The following GRID1 variants were observed in gnomAD, a reference collection of about 807,000 sequenced individuals.
GRID1 encodes glutamate ionotropic receptor delta type subunit 1, also known as glutamate receptor ionotropic, delta-1.
GRID1 carries 28 observed loss-of-function variants against 98.0 expected under a neutral mutation model. That is an observed-to-expected ratio of 0.29 (90% CI 0.21 to 0.39). The LOEUF (loss-of-function observed/expected upper bound fraction) is 0.39, where lower values mean the gene tolerates loss of function less well. GRID1 is among the 10% of genes least tolerant of loss of function. The probability of loss-of-function intolerance (pLI) is 1.00; values close to 1 mark genes in which losing one functional copy is unlikely to be tolerated. For synonymous variants in GRID1, 553 were observed against 538.5 expected, an observed-to-expected ratio of 1.03 and a Z score of -0.37; for missense variants, 1,111 against 1,340.5, an observed-to-expected ratio of 0.83 and a Z score of 2.67.
At chr10:85,965,869 T>C (rs1293165684) in intron 4 of GRID1, among the ~76,000 whole-genome samples, 5 of 152,134 alleles carry the variant, frequency 3.3e-5, no homozygotes, top group African/African-American at 1.2e-4. Flanking sequence ...AAATCCCAGC[T>C]AATCCTTGGT....
chr10:85,686,781 T>C lies in GRID1; in HGVS notation c.1997+36222A>G, dbSNP rs556539047. On this transcript the variant is annotated intron_variant, in intron 12 of 15. Transcript: ENST00000327946. ...TATATATTTTTGTTTGTTATATTAC[T>C]TTTAATTTTTTTCACATTAAAGTGT... Among the ~76,000 whole-genome samples, 10 of 152,200 alleles carry C rather than the reference T, an allele frequency of 6.6e-5. No individual in the cohort carries two copies. The South Asian group carries it at 2.1e-3, about 32-fold the overall frequency.
chr10:86,289,689 C>G (rs1375539181), intron 2 of GRID1, among the ~76,000 whole-genome samples: 1 of 152,184 alleles, frequency 6.6e-6, no homozygotes, highest in African/African-American at 2.4e-5. Context: ...GAGCCTCCTC[C>G]CTCTACTCCT....
intron 4 of GRID1, among the ~76,000 whole-genome samples, chr10:86,104,533 C>G (rs1465424863): frequency 6.6e-6 from 1 of 152,238 alleles, no homozygotes; most frequent in Non-Finnish European, 1.5e-5. Flanking sequence ...GCCCCCAGCC[C>G]TAGCTGGCAG....
At chr10:85,763,346 A>T (rs1200670973) in intron 8 of GRID1, among the ~76,000 whole-genome samples, 1 of 152,148 alleles carries the variant, frequency 6.6e-6, no homozygotes, top group Non-Finnish European at 1.5e-5. Context: ...AACTTTTGTG[A>T]GGCTGTGAGA....
In GRID1 at chr10:85,854,536, C is replaced by A; in HGVS notation, c.1193G>T (p.Gly398Val). ...SNPYVQFEILGTTYSETFGKD... is the reference protein window; with the variant it reads ...SNPYVQFEILVTTYSETFGKD... ...GCCAAAAGTCTCACTATAGGTAGTG[C>A]CAAGGATTTCAAACTGGACATAGGG... Residue 398 changes from glycine to valine, a missense_variant, in exon 8 of 16, where the codon GGC becomes GTC. Transcript: ENST00000327946. 1 of 1,613,668 alleles carries A rather than the reference C, an allele frequency of 6.2e-7. No individual in the cohort carries two copies. Among genetic ancestry groups the A allele is most frequent in the Non-Finnish European group, 8.5e-7 (1 of 1,179,586 alleles).
chr10:85,681,021 T>G (rs1391999011), intron 12 of GRID1, among the ~76,000 whole-genome samples: 1 of 152,220 alleles, frequency 6.6e-6, no homozygotes, highest in Non-Finnish European at 1.5e-5. Context: ...AATTACCTTA[T>G]GGGTACTATG....
chr10:86,181,455 G>A (rs575479603), intron 3 of GRID1, among the ~76,000 whole-genome samples: 5 of 152,284 alleles, frequency 3.3e-5, no homozygotes, highest in East Asian at 3.9e-4. Context: ...TCCCAGCCCC[G>A]CTAGTACATG....
chr10:85,674,500 A>T (rs1282622947), intron 12 of GRID1, among the ~76,000 whole-genome samples: 14 of 152,228 alleles, frequency 9.2e-5, no homozygotes, highest in Non-Finnish European at 2.1e-4. Flanking sequence ...AGAATATTCC[A>T]GGGATCATCA....
intron 8 of GRID1, among the ~76,000 whole-genome samples, chr10:85,755,792 G>A (rs966010474): frequency 6.6e-6 from 1 of 152,030 alleles, no homozygotes; most frequent in Non-Finnish European, 1.5e-5. Context: ...GATGGAAAAG[G>A]TCTGGAACAA....
chr10:86,336,046 C>T (rs192005077), intron 2 of GRID1, among the ~76,000 whole-genome samples: 25 of 152,320 alleles, frequency 1.6e-4, no homozygotes, highest in Admixed American at 9.8e-4. Context: ...ACATGAACAT[C>T]ACACCTGTTG....
intron 13 of GRID1, among the ~76,000 whole-genome samples, chr10:85,622,553 C>A (rs1328607083): frequency 6.6e-6 from 1 of 152,118 alleles, no homozygotes; most frequent in Non-Finnish European, 1.5e-5. Context: ...CAATATATTT[C>A]TTGTGTCTGC....
In GRID1 at chr10:85,939,051, T is replaced by A. The variant is rs185418455; in HGVS notation, c.727-22812A>T. On this transcript the variant is annotated intron_variant, in intron 4 of 15. Coordinates refer to ENST00000327946, the MANE Select transcript of GRID1 (RefSeq NM_017551.3). ...AAAACCAAGCCTTGTCAAATGGTTG[T>A]CCCTGGAGGCCAACCCTCAGCAGGT... is the stretch of plus-strand genomic sequence containing the variant. Among the ~76,000 whole-genome samples, 3 of 152,350 alleles carry A rather than the reference T, an allele frequency of 2.0e-5. No homozygotes were observed. The East Asian group carries it at 5.8e-4, about 29-fold the overall frequency.
intron 2 of GRID1, among the ~76,000 whole-genome samples, chr10:86,279,652 G>A (rs1185336034): frequency 6.6e-6 from 1 of 152,152 alleles, no homozygotes; most frequent in Non-Finnish European, 1.5e-5. Context: ...ATCATATTTA[G>A]TGTTGAAAGA....
intron 2 of GRID1, among the ~76,000 whole-genome samples, chr10:86,318,797 C>T (rs1425435469): frequency 1.3e-5 from 2 of 152,180 alleles, no homozygotes; most frequent in Non-Finnish European, 2.9e-5. Context: ...GGTCACCAAG[C>T]GCTTAAGATT....
chr10:86,046,501 G>C (rs1026568348), intron 4 of GRID1, among the ~76,000 whole-genome samples: 6 of 152,178 alleles, frequency 3.9e-5, no homozygotes, highest in African/African-American at 1.4e-4. Context: ...GATCTTAGTG[G>C]CCTGTGGCTG....
chr10:85,682,221 G>C (rs1164671218), intron 12 of GRID1, among the ~76,000 whole-genome samples: 4 of 152,208 alleles, frequency 2.6e-5, no homozygotes, highest in Admixed American at 6.5e-5. Flanking sequence ...ATATAACAGT[G>C]AGAAGTCTCT....
intron 4 of GRID1, among the ~76,000 whole-genome samples, chr10:86,111,811 C>T (rs530556874): frequency 2.0e-5 from 3 of 152,324 alleles, no homozygotes; most frequent in Non-Finnish European, 4.4e-5. Flanking sequence ...TAGGAAGAGG[C>T]ACTGAGGATT....
At chr10:86,078,780 A>G (rs765950383) in intron 4 of GRID1, among the ~76,000 whole-genome samples, 1 of 151,886 alleles carries the variant, frequency 6.6e-6, no homozygotes, top group Admixed American at 6.6e-5. Context: ...GGAACCTAGG[A>G]CCCCCAGCCC....
In GRID1 at chr10:86,136,703, C is replaced by T. The variant is rs189474093; in HGVS notation, c.726+2116G>A. Among the ~76,000 whole-genome samples, 286 of 152,326 alleles carry T rather than the reference C, an allele frequency of 1.9e-3. 1 individual carries two copies. The highest frequency in any genetic ancestry group is 4.4e-3 in the Admixed American group (68 of 15,304). ...TCTTATCATCGGCGGAGACTGAAGA[C>T]TACGGTGGGAGCTGTTGGCCCAAAG... On this transcript the variant is annotated intron_variant, in intron 4 of 15. Coordinates refer to ENST00000327946, the MANE Select transcript of GRID1 (RefSeq NM_017551.3).
Sources: gnomAD v4.1 joint callset for allele counts (sites outside exome capture counted in the v4.1 genomes callset) on GRCh38, gnomAD v4.1.1 for gene constraint, MANE v1.5 for transcripts, NCBI Gene and HGNC (gene_info 2026-07-23, HGNC 2026-07-21) for gene names.